The following ABCA1 variants were observed in gnomAD, a reference collection of about 807,000 sequenced individuals.
ABCA1 encodes ATP binding cassette subfamily A member 1, also known as phospholipid-transporting ATPase ABCA1.
Under a neutral mutation model 262.5 loss-of-function variants are expected in ABCA1, and 133 were observed. The ratio of observed to expected loss-of-function variants is 0.51; its 90% CI spans 0.44 to 0.59. ABCA1 has a LOEUF of 0.59. Ranked by LOEUF, ABCA1 falls within the 20% of genes least tolerant of loss-of-function variation. ABCA1 has a pLI of 0.00. For missense variants in ABCA1, 2,452 were observed against 2,777.5 expected, an observed-to-expected ratio of 0.88 and a Z score of 2.63; for synonymous variants, 1,022 against 1,043.5, an observed-to-expected ratio of 0.98 and a Z score of 0.40.
chr9:104,912,721 C>G (rs1265833775), intron 1 of ABCA1, among the ~76,000 whole-genome samples: 1 of 152,150 alleles, frequency 6.6e-6, no homozygotes, highest in Non-Finnish European at 1.5e-5. Flanking sequence ...GCAAACAATA[C>G]CACTATTTGC....
intron 5 of ABCA1, 148 bp from the exon 6 acceptor site, chr9:104,861,948 G>C: frequency 1.4e-6 from 1 of 737,288 alleles, no homozygotes; most frequent in Non-Finnish European, 2.2e-6. Flanking sequence ...AGATAGGGGA[G>C]CATCGCCATA....
rs905403088 is a variant in ABCA1, at chr9:104,799,715, G to A, written c.4943+104C>T. ...CAATCCAGATTTATCATAATATAAC[G>A]GTCTCTGCAGCTGTTCCCCTACAAT... On this transcript the variant is annotated intron_variant, in intron 36 of 49. Coordinates refer to ENST00000374736, the MANE Select transcript of ABCA1 (RefSeq NM_005502.4). 1.7e-5 allele frequency: 27 copies of A among 1,606,832 alleles called. No individual in the cohort carries two copies. The East Asian group carries it at 2.5e-4, about 15-fold the overall frequency.
chr9:104,875,258 G>A (rs1326027518), intron 5 of ABCA1, among the ~76,000 whole-genome samples: 3 of 150,508 alleles, frequency 2.0e-5, no homozygotes, highest in South Asian at 2.1e-4. Context: ...CAGGAGAATC[G>A]CTTGAATCCA....
In ABCA1 at chr9:104,782,649, T is replaced by A. The variant is rs1272298646; in HGVS notation, c.*1666A>T. 1 of 152,146 alleles carries A rather than the reference T, an allele frequency of 6.6e-6. No individual in the cohort carries two copies. The highest frequency in any genetic ancestry group is 6.6e-5 in the Admixed American group (1 of 15,266). The allele number at this position is 152,146 out of a possible 1,614,324, so 9.4% of individuals were successfully genotyped here. On this transcript the variant is annotated 3_prime_UTR_variant, in exon 50 of 50. Transcript: ENST00000374736. ...TTTTATATTTTTCTTGACTAGTGAT[T>A]GAAGAGATGAAAAATTTGAGACTGT...
chr9:104,898,882 T>C (rs1466079973), intron 2 of ABCA1, among the ~76,000 whole-genome samples: 3 of 152,212 alleles, frequency 2.0e-5, no homozygotes, highest in African/African-American at 7.2e-5. Flanking sequence ...CACCTGCTAG[T>C]ATCTAACACC....
At position 104,799,938 on chromosome 9, in the gene ABCA1, G is replaced by A. The variant is rs1830192873; in HGVS notation, c.4824C>T (p.Val1608=). 1 of 1,614,154 alleles carries A rather than the reference G, an allele frequency of 6.2e-7. No individual in the cohort carries two copies. The highest frequency in any genetic ancestry group is 2.2e-5 in the East Asian group (1 of 44,894). The change falls in exon 36 of 50, where the codon GTC becomes GTT. Residue 1608 remains valine (V), a synonymous_variant. Transcript: ENST00000374736. The part of the protein sequence containing the change: ...GWHAISSFLN[V]INNAILRANL... Reference sequence around the variant, plus strand: ...TGGCCCGGAGAATGGCATTGTTGATGACATTCAGGAAAGAGCTGATTGCAT... The same window carrying A: ...TGGCCCGGAGAATGGCATTGTTGATAACATTCAGGAAAGAGCTGATTGCAT...
chr9:104,786,380 A>C lies in ABCA1; in HGVS notation c.6319T>G (p.Cys2107Gly). The C allele has an allele frequency of 6.2e-7, 1 of 1,614,086 alleles. No individual in the cohort carries two copies. The highest frequency in any genetic ancestry group is 1.7e-5 in the Admixed American group (1 of 60,030). Reference protein sequence around the residue: ...VVLTSHSMEECEALCTRMAIM... With the variant: ...VVLTSHSMEEGEALCTRMAIM... Reference sequence around the variant, plus strand: ...GCCATCCTAGTGCAAAGAGCTTCACATTCTTCCATACTGCGGTAAAACAGA... The same window carrying C: ...GCCATCCTAGTGCAAAGAGCTTCACCTTCTTCCATACTGCGGTAAAACAGA... The change falls in exon 48 of 50, where the codon TGT becomes GGT. Residue 2107 changes from cysteine (C) to glycine (G), a missense_variant. Transcript: ENST00000374736.
At chr9:104,835,296 G>C (rs1381178119) in intron 11 of ABCA1, among the ~76,000 whole-genome samples, 22 of 151,614 alleles carry the variant, frequency 1.5e-4, no homozygotes, top group Admixed American at 1.4e-3. Flanking sequence ...AAAACAGTTG[G>C]AAGAGGTTCC....
At chr9:104,818,169 TAAA>T (rs34642413) in intron 23 of ABCA1, among the ~76,000 whole-genome samples, 6 of 145,374 alleles carry the variant, frequency 4.1e-5, no homozygotes, top group Admixed American at 1.4e-4. Flanking sequence ...TGATAGAGGT[TAAA>T]AAAAAAAAAA....
At chr9:104,847,563 C>T (rs987292365) in intron 7 of ABCA1, among the ~76,000 whole-genome samples, 6 of 152,230 alleles carry the variant, frequency 3.9e-5, no homozygotes, top group Non-Finnish European at 7.3e-5. Flanking sequence ...AAAAGACAAA[C>T]ATCCTTTCTC....
At position 104,799,394 on chromosome 9, in the gene ABCA1, TCACACACACACACA is replaced by T. The variant is rs3983647; in HGVS notation, c.4943+411_4943+424del. 750 of 553,300 alleles carry T rather than the reference TCACACACACACACA, an allele frequency of 1.4e-3. 2 individuals carry two copies. The highest frequency in any genetic ancestry group is 3.0e-3 in the Admixed American group (39 of 12,816). 34.3% of individuals were successfully genotyped at this position (553,300 alleles called of 1,614,324 possible). On this transcript the variant is annotated intron_variant, in intron 36 of 49. Coordinates refer to ENST00000374736, the MANE Select transcript of ABCA1 (RefSeq NM_005502.4). ...AACTAGCTCATCCTGGCTTTAAACT[TCACACACACACACA>T]CACACACACACACACACACACACAC...
At chr9:104,888,073 G>GTGTGTA (rs1564252394) in intron 3 of ABCA1, among the ~76,000 whole-genome samples, 38 of 151,738 alleles carry the variant, frequency 2.5e-4, no homozygotes, top group African/African-American at 8.7e-4. Context: ...GTGTGTGTGT[G>GTGTGTA]TGTGTGTGTG....
intron 49 of ABCA1, 105 bp from the exon 50 acceptor site, chr9:104,784,560 A>C: frequency 7.5e-7 from 1 of 1,332,782 alleles, no homozygotes; most frequent in Non-Finnish European, 1.1e-6. Context: ...GTAGGAGCAT[A>C]CAGAATTACA....
chr9:104,899,654 A>G (rs1316359169), intron 2 of ABCA1, among the ~76,000 whole-genome samples: 9 of 152,028 alleles, frequency 5.9e-5, no homozygotes, highest in Non-Finnish European at 1.5e-5. Context: ...AGATCATACC[A>G]CTGCACTCCA....
intron 3 of ABCA1, among the ~76,000 whole-genome samples, chr9:104,886,211 C>G (rs1450247470): frequency 6.6e-6 from 1 of 152,216 alleles, no homozygotes; most frequent in African/African-American, 2.4e-5. Context: ...CATCTCACAG[C>G]TACCACCTCC....
At chr9:104,785,706 T>C in intron 48 of ABCA1, 67 bp from the exon 49 acceptor site, 4 of 1,600,604 alleles carry the variant, frequency 2.5e-6, no homozygotes, top group Non-Finnish European at 3.4e-6. Context: ...TACTGAACCC[T>C]GGGAACCCAA....
intron 1 of ABCA1, among the ~76,000 whole-genome samples, chr9:104,920,631 C>G (rs1285818647): frequency 6.6e-6 from 1 of 152,126 alleles, no homozygotes; most frequent in Non-Finnish European, 1.5e-5. Context: ...TCTGCCTAAG[C>G]CTCCTGAGTA....
intron 1 of ABCA1, among the ~76,000 whole-genome samples, chr9:104,924,690 T>C (rs1286871858): frequency 6.6e-6 from 1 of 152,206 alleles, no homozygotes; most frequent in Non-Finnish European, 1.5e-5. Context: ...TGATATTTTC[T>C]AGACATCTAG....
intron 22 of ABCA1, 149 bp downstream of exon 22, chr9:104,819,437 C>T: frequency 8.9e-7 from 1 of 1,122,224 alleles, no homozygotes; most frequent in Non-Finnish European, 1.3e-6. Flanking sequence ...TCTCAGGAAT[C>T]TCAGTCTCAA....
Sources: allele counts gnomAD v4.1 joint callset (sites outside exome capture counted in the v4.1 genomes callset), GRCh38; gene constraint gnomAD v4.1.1; transcripts MANE v1.5; gene names NCBI Gene and HGNC (gene_info 2026-07-23, HGNC 2026-07-21).